BCOR: variants seen among roughly 807,000 people sequenced by gnomAD.
BCOR encodes the protein BCL-6 corepressor.
In BCOR, 10 loss-of-function variants were observed where a neutral mutation model predicts 86.7. The observed-to-expected ratio is 0.12, with a 90% CI of 0.07 to 0.20. BCOR has a LOEUF of 0.20. Among genes scored for constraint, BCOR ranks in the 10% least tolerant of loss-of-function variants. BCOR has a pLI of 1.00. For missense variants in BCOR, 1,259 were observed against 1,452.1 expected (o/e 0.87, Z 2.16); for synonymous variants, 611 against 609.0 (o/e 1.00, Z -0.05).
chrX:40,128,218 CCTT>C (rs909154835), intron 1 of BCOR, among the ~76,000 whole-genome samples: 3 of 109,361 alleles, frequency 2.7e-5, no homozygotes, highest in African/African-American at 1.0e-4. Context: ...GAGTGAGACT[CCTT>C]CTAAAAAACA....
intron 1 of BCOR, among the ~76,000 whole-genome samples, chrX:40,117,502 G>T (rs1217035916): frequency 9.0e-6 from 1 of 111,324 alleles, no homozygotes; most frequent in African/African-American, 3.3e-5. Flanking sequence ...TGCTTCCAAA[G>T]ATACACAAAA....
upstream of BCOR, among the ~76,000 whole-genome samples, chrX:40,100,452 TC>T (rs1937049399): frequency 8.9e-6 from 1 of 112,397 alleles, no homozygotes; most frequent in South Asian, 3.7e-4. Context: ...TTCTCGGAGT[TC>T]GAAGTCGCAT....
intron 10 of BCOR, among the ~76,000 whole-genome samples, chrX:40,061,842 T>C (rs1448237807): frequency 9.0e-6 from 1 of 110,934 alleles, no homozygotes; most frequent in Non-Finnish European, 1.9e-5. Context: ...AAGCCCTGGG[T>C]TGTGTCAGAT....
rs1429848964 is a variant in BCOR at position 40,176,396 on chromosome X, C to T, written c.-41+611G>A. 1.9e-4 allele frequency among the ~76,000 whole-genome samples: 22 copies of T among 112,910 alleles called. 1 individual carries two copies. Among genetic ancestry groups the T allele is most frequent in the Admixed American group, 1.8e-3 (20 of 10,845 alleles). ...CCCGGAGTAGCCCCGCGGGCCCCCC[C>T]GCCATGCGTAATGGGGCGCCCCTGG... is the stretch of plus-strand genomic sequence containing the variant. On this transcript the variant is annotated intron_variant, in intron 1 of 14. Coordinates refer to the BCOR transcript ENST00000342274.
At chrX:40,121,401 C>T (rs753638825) in intron 1 of BCOR, among the ~76,000 whole-genome samples, 2 of 112,640 alleles carry the variant, frequency 1.8e-5, no homozygotes, top group Non-Finnish European at 3.8e-5. Context: ...TCAGCCTCAC[C>T]CTCTCAAACC....
At chrX:40,153,856 C>T (rs1434949039) in intron 1 of BCOR, among the ~76,000 whole-genome samples, 1 of 111,313 alleles carries the variant, frequency 9.0e-6, no homozygotes, top group Non-Finnish European at 1.9e-5. Flanking sequence ...CTCGGAGCCG[C>T]AGCGAGAGGC....
chrX:40,062,839 C>T lies in BCOR; in HGVS notation c.4080G>A (p.Lys1360=), dbSNP rs1204263913. 1.7e-6 allele frequency: 2 copies of T among 1,211,894 alleles called. No individual in the cohort carries two copies. The highest frequency in any genetic ancestry group is 4.3e-5 in the Admixed American group (2 of 46,081). Residue 1360 remains lysine, a synonymous_variant, in exon 9 of 15, where the codon AAG becomes AAA. Coordinates refer to ENST00000378444, the MANE Select transcript of BCOR (RefSeq NM_001123385.2). The part of the protein sequence containing the change: ...YTDNSEKPSG[K]RLCKTKHLIP... Reference sequence around the variant, plus strand: ...TCAAGTGTTTGGTTTTGCACAGTCTCTTCCCGGATGGCTTCTCGCTGTTGT... The same window carrying T: ...TCAAGTGTTTGGTTTTGCACAGTCTTTTCCCGGATGGCTTCTCGCTGTTGT...
intron 1 of BCOR, among the ~76,000 whole-genome samples, chrX:40,158,371 G>T (rs1938343056): frequency 8.9e-6 from 1 of 111,934 alleles, no homozygotes. Context: ...GCCCCCGGCG[G>T]TAGGACCGCG....
chrX:40,161,536 G>C (rs761916135), intron 1 of BCOR, among the ~76,000 whole-genome samples: 11 of 64,509 alleles, frequency 1.7e-4, no homozygotes, highest in African/African-American at 6.6e-4. Flanking sequence ...TTTTGAGACT[G>C]AGTCTCGCTC....
chrX:40,064,067 G>T, intron 7 of BCOR, 115 bp from the exon 8 acceptor site: 2 of 653,645 alleles, frequency 3.1e-6, no homozygotes, highest in Non-Finnish European at 2.3e-6. Flanking sequence ...CTCTGCTTTT[G>T]GGAAGGGGCC....
At chrX:40,135,896 T>C (rs932723060) in intron 1 of BCOR, among the ~76,000 whole-genome samples, 5 of 112,145 alleles carry the variant, frequency 4.5e-5, no homozygotes, top group African/African-American at 1.6e-4. Context: ...GATATATGTG[T>C]TTGTATATAT....
intron 6 of BCOR, among the ~76,000 whole-genome samples, chrX:40,065,771 C>A (rs1935170504): frequency 9.0e-6 from 1 of 111,587 alleles, no homozygotes; most frequent in Admixed American, 9.5e-5. Context: ...AGTCTGGTGT[C>A]TTGGTAACTC....
intron 1 of BCOR, among the ~76,000 whole-genome samples, chrX:40,160,598 A>G (rs919577418): frequency 7.4e-5 from 8 of 108,326 alleles, no homozygotes; most frequent in Non-Finnish European, 1.3e-4. Flanking sequence ...TGACACTAGA[A>G]AAGTTCCTTT....
intron 1 of BCOR, among the ~76,000 whole-genome samples, chrX:40,167,901 G>C (rs1306319997): frequency 8.8e-6 from 1 of 113,120 alleles, no homozygotes; most frequent in East Asian, 2.8e-4. Context: ...GGCTTCAGGA[G>C]GCTCCACCTG....
intron 1 of BCOR, among the ~76,000 whole-genome samples, chrX:40,164,435 T>G (rs935487798): frequency 8.9e-6 from 1 of 112,879 alleles, no homozygotes; most frequent in Non-Finnish European, 1.9e-5. Context: ...AGGAAATTTT[T>G]TTTAAGGAAA....
intron 2 of BCOR, chrX:40,077,124 G>C (rs764354421): frequency 5.0e-6 from 1 of 198,662 alleles, no homozygotes; most frequent in South Asian, 6.5e-5. Context: ...TCATACAAAT[G>C]TCAGCTGTTC....
chrX:40,161,026 G>C (rs1938407117), intron 1 of BCOR, among the ~76,000 whole-genome samples: 1 of 103,493 alleles, frequency 9.7e-6, no homozygotes. Flanking sequence ...TTTTGAGACA[G>C]GGTCTGTCTC....
chrX:40,122,906 T>C (rs1368754805), intron 1 of BCOR, among the ~76,000 whole-genome samples: 1 of 111,723 alleles, frequency 9.0e-6, no homozygotes, highest in Non-Finnish European at 1.9e-5. Flanking sequence ...CATCACACTG[T>C]CGCTACCCAC....
chrX:40,079,988 G>A (rs943179469), intron 1 of BCOR, among the ~76,000 whole-genome samples: 1 of 107,756 alleles, frequency 9.3e-6, no homozygotes, highest in Non-Finnish European at 1.9e-5. Flanking sequence ...ACTGCACCAT[G>A]CCACCCCCTC....
Sources: allele counts gnomAD v4.1 joint callset (sites outside exome capture counted in the v4.1 genomes callset), GRCh38; gene constraint gnomAD v4.1.1; transcripts MANE v1.5; gene names NCBI Gene and HGNC (gene_info 2026-07-23, HGNC 2026-07-21).